The following TOX2 variants were observed in gnomAD, a reference collection of about 807,000 sequenced individuals.
TOX2 encodes TOX high mobility group box family member 2, also known as granulosa cell HMG box 1.
Under a neutral mutation model 47.4 loss-of-function variants are expected in TOX2, and 15 were observed. The ratio of observed to expected loss-of-function variants is 0.32; its 90% CI spans 0.21 to 0.49. TOX2 has a LOEUF of 0.49. Ranked by LOEUF, TOX2 falls within the 20% of genes least tolerant of loss-of-function variation. The pLI is 0.99. For missense variants in TOX2, 622 were observed against 673.1 expected (o/e 0.92, Z 0.84); for synonymous variants, 290 against 296.6 (o/e 0.98, Z 0.23).
At chr20:43,978,171 T>C (rs753107819) in intron 2 of TOX2, among the ~76,000 whole-genome samples, 9 of 152,216 alleles carry the variant, frequency 5.9e-5, no homozygotes, top group Non-Finnish European at 1.3e-4. Context: ...TCACAGCTAC[T>C]CTTTCTTTGG....
intron 1 of TOX2, among the ~76,000 whole-genome samples, chr20:43,951,722 T>TTTTTTTTTTTTTTTTTG (rs1569027227): frequency 7.5e-6 from 1 of 133,794 alleles, no homozygotes; most frequent in South Asian, 2.7e-4. Flanking sequence ...TTTTTTTTTT[T>TTTTTTTTTTTTTTTTTG]TTTTTTAGAG....
chr20:43,914,914 C>T lies in TOX2; in HGVS notation c.23C>T (p.Ser8Leu), dbSNP rs1301951910. The T allele has an allele frequency of 1.8e-5, 21 of 1,150,150 alleles. No homozygotes were observed. The highest frequency in any genetic ancestry group is 2.2e-5 in the Non-Finnish European group (21 of 938,486). The allele number at this position is 1,150,150 out of a possible 1,614,324, so 71.2% of individuals were successfully genotyped here. A position where few individuals can be genotyped will look rare whatever the true frequency, so the allele number is the denominator to read the frequency against. ...GCCATGGACGTCCGCCTGTACCCCT[C>T]GGCGCCCGCGGTGGGCGCGCGGCCC... is the stretch of plus-strand genomic sequence containing the variant. MDVRLYP[S>L]APAVGARPGA... The change falls in exon 1 of 9, where the codon TCG becomes TTG. Residue 8 changes from serine (S) to leucine (L), a missense_variant. Physicochemically the swap from Ser to Leu is moderately radical, Grantham distance 145. Transcript: ENST00000341197. The surrounding 1 kb of genome is among the most constrained non-coding windows in gnomAD (Gnocchi z 4.5).
intron 2 of TOX2, among the ~76,000 whole-genome samples, chr20:43,987,292 C>T (rs1304274511): frequency 6.6e-6 from 1 of 152,114 alleles, no homozygotes; most frequent in Admixed American, 6.5e-5. Context: ...TAGACAATGC[C>T]ATTTACATAC....
At position 43,973,449 on chromosome 20, in the gene TOX2, C is replaced by T. The variant is rs770208318; in HGVS notation, c.165+17C>T. On this transcript the variant is annotated intron_variant, in intron 2 of 8. Coordinates refer to ENST00000341197, the MANE Select transcript of TOX2 (RefSeq NM_001098797.2). ...ACCAGCCAGGTGGGTGCCTCATCCTCCCTGAACGGGTGTCTTAAGATTTGG... is the reference window on the plus strand; with the variant it reads ...ACCAGCCAGGTGGGTGCCTCATCCTTCCTGAACGGGTGTCTTAAGATTTGG... The T allele has an allele frequency of 6.2e-6, 10 of 1,613,708 alleles. No homozygotes were observed. The highest frequency in any genetic ancestry group is 8.5e-6 in the Non-Finnish European group (10 of 1,179,742).
intron 5 of TOX2, among the ~76,000 whole-genome samples, chr20:44,057,461 A>G (rs753937727): frequency 1.3e-5 from 2 of 152,220 alleles, no homozygotes; most frequent in Non-Finnish European, 2.9e-5. Flanking sequence ...TAATACACTA[A>G]TAACCAAGAG....
intron 1 of TOX2, among the ~76,000 whole-genome samples, chr20:43,928,997 A>AAAAAAAAAAAAAAAAC (rs540054093): frequency 1.3e-5 from 2 of 149,556 alleles, no homozygotes; most frequent in African/African-American, 5.1e-5. Context: ...AAAAAAAAAA[A>AAAAAAAAAAAAAAAAC]AACAACAACA....
intron 1 of TOX2, among the ~76,000 whole-genome samples, chr20:43,943,217 G>A (rs1422911391): frequency 6.6e-6 from 1 of 152,150 alleles, no homozygotes; most frequent in African/African-American, 2.4e-5. Flanking sequence ...TGGATGGTAC[G>A]ATCACAACCC....
intron 2 of TOX2, among the ~76,000 whole-genome samples, chr20:44,000,610 T>G (rs2070560799): frequency 6.6e-6 from 1 of 151,838 alleles, no homozygotes; most frequent in African/African-American, 2.4e-5. Flanking sequence ...GAACTGGAGC[T>G]CAGCAGCATA....
Position 43,946,359 on chromosome 20 carries a change from G to A in TOX2, c.100-27008G>A, listed in dbSNP as rs570989914. Among the ~76,000 whole-genome samples, 8 of 152,290 alleles carry A rather than the reference G, an allele frequency of 5.3e-5. No homozygotes were observed. The South Asian group carries it at 1.7e-3, about 32-fold the overall frequency. On this transcript the variant is annotated intron_variant, in intron 1 of 8. Transcript: ENST00000341197. ...AGTAGGCCTGGCCAGGTGTGGGTTG[G>A]GGGGTCTGGCTGATTCAGACTGGAA...
intron 3 of TOX2, among the ~76,000 whole-genome samples, chr20:44,010,993 G>A (rs1248374064): frequency 6.6e-6 from 1 of 152,112 alleles, no homozygotes; most frequent in Non-Finnish European, 1.5e-5. Flanking sequence ...CGGCTCCTGG[G>A]GGTTGCTGGT....
At chr20:43,992,347 G>A (rs1044242949) in intron 2 of TOX2, among the ~76,000 whole-genome samples, 6 of 152,086 alleles carry the variant, frequency 3.9e-5, no homozygotes, top group African/African-American at 1.4e-4. Flanking sequence ...GTGTAGGAGC[G>A]ATCGTGTAGG....
intron 1 of TOX2, among the ~76,000 whole-genome samples, chr20:43,920,237 C>T (rs561554120): frequency 6.6e-6 from 1 of 152,296 alleles, no homozygotes; most frequent in South Asian, 2.1e-4. Context: ...AACTTCCCAC[C>T]CACACAGCTC....
At chr20:43,945,680 C>A in intron 1 of TOX2, 1 of 502,796 alleles carries the variant, frequency 2.0e-6, no homozygotes, top group Non-Finnish European at 3.5e-6. Flanking sequence ...CCTTCTGCTC[C>A]CCGAGACCTG....
intron 1 of TOX2, among the ~76,000 whole-genome samples, chr20:43,944,195 G>T (rs1272372450): frequency 8.5e-5 from 13 of 152,190 alleles, no homozygotes; most frequent in Non-Finnish European, 1.8e-4. Context: ...TGTGTGTCAG[G>T]CCCCATGCTG....
At chr20:44,026,981 C>T (rs2071078093) in intron 3 of TOX2, among the ~76,000 whole-genome samples, 1 of 152,148 alleles carries the variant, frequency 6.6e-6, no homozygotes, top group Admixed American at 6.5e-5. Context: ...ACACTTTTCT[C>T]GAGAGTTCAT....
intron 5 of TOX2, 60 bp from the exon 6 acceptor site, chr20:44,064,717 C>A (rs1417316590): frequency 2.6e-6 from 4 of 1,533,882 alleles, no homozygotes; most frequent in South Asian, 1.1e-5. Flanking sequence ...CCCCAGGACC[C>A]TGCACGGCAT....
chr20:44,015,769 G>T (rs2070868193), intron 3 of TOX2, among the ~76,000 whole-genome samples: 1 of 152,028 alleles, frequency 6.6e-6, no homozygotes, highest in Non-Finnish European at 1.5e-5. Flanking sequence ...CTCTTTTAGG[G>T]CACTTTTACT....
intron 5 of TOX2, among the ~76,000 whole-genome samples, chr20:44,059,860 G>A (rs1232851617): frequency 1.3e-5 from 2 of 152,010 alleles, no homozygotes; most frequent in Non-Finnish European, 2.9e-5. Context: ...AAAACCACAA[G>A]GTATTTGGGC....
chr20:44,005,640 T>C (rs1392223715), intron 2 of TOX2, among the ~76,000 whole-genome samples: 1 of 152,186 alleles, frequency 6.6e-6, no homozygotes, highest in Non-Finnish European at 1.5e-5. Context: ...GAAAACCAAA[T>C]TACATGTTTA....
Sources: allele counts gnomAD v4.1 joint callset (sites outside exome capture counted in the v4.1 genomes callset), GRCh38; gene constraint gnomAD v4.1.1; non-coding constraint Gnocchi (gnomAD v3.1); transcripts MANE v1.5; gene names NCBI Gene and HGNC (gene_info 2026-07-23, HGNC 2026-07-21).